The following OSMR variants were observed in gnomAD, a reference collection of about 807,000 sequenced individuals.
The protein encoded by OSMR is oncostatin-M-specific receptor subunit beta.
A neutral mutation model predicts 99.9 loss-of-function variants in OSMR; 81 were observed. The observed-to-expected ratio is 0.81, with a 90% CI of 0.68 to 0.97. OSMR has a LOEUF of 0.97. Ranked by LOEUF, OSMR falls within the 50% of genes least tolerant of loss-of-function variation. The pLI is 0.00. For missense variants in OSMR, 1,099 were observed against 1,153.4 expected (o/e 0.95, Z 0.68); for synonymous variants, 406 against 410.4 (o/e 0.99, Z 0.13).
At chr5:38,857,329 A>T (rs1215489912) in intron 1 of OSMR, among the ~76,000 whole-genome samples, 1 of 152,180 alleles carries the variant, frequency 6.6e-6, no homozygotes, top group Admixed American at 6.5e-5. Context: ...TGTGAAGAGG[A>T]TGATATACTA....
rs1005769244 is a variant in OSMR at position 38,918,079 on chromosome 5, C to T, written c.1362+457C>T. Among the ~76,000 whole-genome samples the T allele has an allele frequency of 4.6e-5, 7 of 152,228 alleles. No individual in the cohort carries two copies. The East Asian group carries it at 5.8e-4, about 13-fold the overall frequency. ...GGTTTGTATTCTGAACTCTGTGATG[C>T]GTCAGTTTCACACTGAAACATGGTG... is the stretch of plus-strand genomic sequence containing the variant. On this transcript the variant is annotated intron_variant, in intron 10 of 17. Coordinates refer to ENST00000274276, the MANE Select transcript of OSMR (RefSeq NM_003999.3).
chr5:38,862,980 A>G (rs1377667826), intron 1 of OSMR, among the ~76,000 whole-genome samples: 1 of 152,036 alleles, frequency 6.6e-6, no homozygotes, highest in East Asian at 1.9e-4. Flanking sequence ...CGGCCAACAC[A>G]GCGAAACCCT....
intron 3 of OSMR, among the ~76,000 whole-genome samples, chr5:38,879,547 C>G (rs1372992147): frequency 2.0e-5 from 3 of 151,640 alleles, no homozygotes; most frequent in African/African-American, 7.3e-5. Flanking sequence ...GACTTGTTGG[C>G]ATTAGAGCGA....
intron 7 of OSMR, among the ~76,000 whole-genome samples, chr5:38,891,254 CCAAA>C (rs1744137606): frequency 6.6e-6 from 1 of 152,128 alleles, no homozygotes; most frequent in Non-Finnish European, 1.5e-5. Context: ...GGTGTGCAGA[CCAAA>C]CAGTCTGATT....
At chr5:38,944,541 T>G in intron 2 of OSMR, 1 of 1,608,184 alleles carries the variant, frequency 6.2e-7, no homozygotes, top group Non-Finnish European at 8.5e-7. Flanking sequence ...TACGGCACAT[T>G]GGTGTATCAT....
At chr5:38,881,885 T>G in intron 4 of OSMR, 121 bp downstream of exon 4, 2 of 868,398 alleles carry the variant, frequency 2.3e-6, no homozygotes, top group South Asian at 1.6e-5. Flanking sequence ...TTATTTTCCT[T>G]TGGCTCCTAT....
At chr5:38,909,194 A>G (rs1454217668) in intron 9 of OSMR, among the ~76,000 whole-genome samples, 4 of 152,220 alleles carry the variant, frequency 2.6e-5, no homozygotes, top group Non-Finnish European at 4.4e-5. Context: ...AGACAAAAAT[A>G]AAGAAAAAAA....
intron 1 of OSMR, chr5:38,940,735 A>AT (rs1420716385): frequency 8.6e-6 from 2 of 232,536 alleles, no homozygotes; most frequent in Non-Finnish European, 1.7e-5. Flanking sequence ...GAAATGCTTC[A>AT]TCCCAACTGG....
intron 1 of OSMR, among the ~76,000 whole-genome samples, chr5:38,848,937 CT>C (rs74563497): frequency 0.25 from 36,877 of 146,584 alleles, 4,664 homozygotes; most frequent in South Asian, 0.4. Flanking sequence ...CCACACCTGA[CT>C]TTTTTTTTTT....
At chr5:38,909,360 T>A (rs926715457) in intron 9 of OSMR, among the ~76,000 whole-genome samples, 1 of 152,122 alleles carries the variant, frequency 6.6e-6, no homozygotes, top group East Asian at 1.9e-4. Context: ...ATTCAGGAAA[T>A]GCAGAGAACT....
intron 10 of OSMR, chr5:38,918,636 A>G: frequency 1.7e-6 from 1 of 602,380 alleles, no homozygotes; most frequent in Non-Finnish European, 2.1e-6. Context: ...TCTCCAAATG[A>G]TCCTCTTCTC....
Position 38,876,353 on chromosome 5 carries a change from A to T in OSMR, c.226A>T (p.Thr76Ser). 5 of 1,613,446 alleles carry T rather than the reference A, an allele frequency of 3.1e-6. No individual in the cohort carries two copies. Among genetic ancestry groups the T allele is most frequent in the Non-Finnish European group, 4.2e-6 (5 of 1,179,570 alleles). ...VFQIQISRIE[T>S]SNVIWVGNYS... ...TCAGATCCAGATCAGTAGGATTGAA[A>T]CATCCAATGTCATCTGGGTGGTAAG... Residue 76 changes from threonine (T) to serine (S), a missense_variant, in exon 3 of 18, where the codon ACA (threonine) becomes TCA (serine). By Grantham distance (58) the Thr-to-Ser change is moderately conservative. Transcript: ENST00000274276.
intron 9 of OSMR, among the ~76,000 whole-genome samples, chr5:38,906,320 G>C (rs932997804): frequency 1.3e-5 from 2 of 152,072 alleles, no homozygotes; most frequent in Admixed American, 6.5e-5. Context: ...AAAATGAGAT[G>C]AATCTACTGA....
At chr5:38,880,341 CAT>C (rs1264363347) in intron 3 of OSMR, among the ~76,000 whole-genome samples, 1 of 152,174 alleles carries the variant, frequency 6.6e-6, no homozygotes, top group Non-Finnish European at 1.5e-5. Context: ...CAGTAAGTGT[CAT>C]GTGTGTGTTG....
At position 38,932,366 on chromosome 5, in the gene OSMR, G is replaced by A. The variant is rs747618715; in HGVS notation, c.2295-97G>A. 28 of 869,868 alleles carry A rather than the reference G, an allele frequency of 3.2e-5. No homozygotes were observed. The Middle Eastern group carries it at 6.4e-4, about 20-fold the overall frequency. The allele number at this position is 869,868 out of a possible 1,614,324, so 53.9% of individuals were successfully genotyped here. A position where few individuals can be genotyped will look rare whatever the true frequency, so the allele number is the denominator to read the frequency against. ...AGTAACTTGCTTAATAAGTTACAAC[G>A]CAAGGATTAGAAGCCAGGAATCTGA... On this transcript the variant is annotated intron_variant, in intron 16 of 17. Transcript: ENST00000274276.
intron 1 of OSMR, among the ~76,000 whole-genome samples, chr5:38,863,198 G>C (rs1470645006): frequency 1.1e-3 from 47 of 42,124 alleles, no homozygotes; most frequent in African/African-American, 3.4e-3. Context: ...AGGGAGAGGG[G>C]GAGGGGGAGG....
intron 2 of OSMR, chr5:38,944,890 T>G: frequency 6.2e-7 from 1 of 1,607,360 alleles, no homozygotes; most frequent in Non-Finnish European, 8.5e-7. Context: ...TAATAATGAT[T>G]GGATTTGAAT....
At chr5:38,914,540 C>T (rs1159157196) in intron 9 of OSMR, among the ~76,000 whole-genome samples, 1 of 152,180 alleles carries the variant, frequency 6.6e-6, no homozygotes, top group African/African-American at 2.4e-5. Flanking sequence ...AATCATTCTA[C>T]CAACACGCAT....
At chr5:38,919,804 G>GT (rs1309457266) in intron 11 of OSMR, among the ~76,000 whole-genome samples, 2 of 152,124 alleles carry the variant, frequency 1.3e-5, no homozygotes, top group East Asian at 3.8e-4. Flanking sequence ...TCTATAATAT[G>GT]TGTTTATTCA....
Sources: allele counts gnomAD v4.1 joint callset (sites outside exome capture counted in the v4.1 genomes callset), GRCh38; gene constraint gnomAD v4.1.1; transcripts MANE v1.5; gene names NCBI Gene and HGNC (gene_info 2026-07-23, HGNC 2026-07-21).